The following FLNB variants were observed in gnomAD, a reference collection of about 807,000 sequenced individuals.
FLNB encodes filamin B.
FLNB carries 111 observed loss-of-function variants against 250.6 expected under a neutral mutation model. The ratio of observed to expected loss-of-function variants is 0.44; its 90% CI spans 0.38 to 0.52. The LOEUF (loss-of-function observed/expected upper bound fraction) is 0.52. FLNB is among the 20% of genes least tolerant of loss of function. FLNB has a pLI of 0.00. For synonymous variants in FLNB, 1,302 were observed against 1,372.1 expected (o/e 0.95, Z 1.13); for missense variants, 2,869 against 3,447.8 (o/e 0.83, Z 4.20).
At chr3:58,065,962 A>G (rs907049535) in intron 1 of FLNB, among the ~76,000 whole-genome samples, 1 of 152,132 alleles carries the variant, frequency 6.6e-6, no homozygotes, top group Non-Finnish European at 1.5e-5. Context: ...AGGCCTCCAG[A>G]GCTCATGCTG....
chr3:58,064,851 C>T (rs894091701), intron 1 of FLNB, among the ~76,000 whole-genome samples: 11 of 151,998 alleles, frequency 7.2e-5, no homozygotes, highest in African/African-American at 2.4e-4. Context: ...TGTCTCCCCC[C>T]GCCACACACA....
chr3:58,127,502 G>C (rs753129839), intron 24 of FLNB, among the ~76,000 whole-genome samples: 8 of 152,020 alleles, frequency 5.3e-5, no homozygotes, highest in Non-Finnish European at 1.0e-4. Flanking sequence ...TGTGAAACAC[G>C]GTTTCTCAAC....
chr3:58,141,606 A>G (rs971507637), intron 29 of FLNB, among the ~76,000 whole-genome samples: 4 of 152,282 alleles, frequency 2.6e-5, no homozygotes, highest in South Asian at 2.1e-4. Context: ...TCAATTAACT[A>G]TGGAGTCTCC....
rs528351623 is a variant in FLNB, at chr3:58,070,936, G to GCT, written c.293-6097_293-6096dup. Among the ~76,000 whole-genome samples the GCT allele has an allele frequency of 3.5e-3, 514 of 147,028 alleles. 2 individuals are homozygous for GCT. Among genetic ancestry groups the GCT allele is most frequent in the Non-Finnish European group, 5.5e-3 (369 of 66,744 alleles). On this transcript the variant is annotated intron_variant, in intron 1 of 45. Coordinates refer to ENST00000295956, the MANE Select transcript of FLNB (RefSeq NM_001457.4). ...AAGTGCTAGGATTACAGGCTCTCTT[G>GCT]CTCTCTCTCTCTCTTGTTTTTTTTT...
rs770903136 is a variant in FLNB at position 58,158,002 on chromosome 3, C to T, written c.6889-1552C>T. ...TGTAAATTATTGATCAGAGATTTTG[C>T]GGAGGCCCACGCAAGCAACATCTGG... is the stretch of plus-strand genomic sequence containing the variant. On this transcript the variant is annotated intron_variant, in intron 41 of 45. Transcript: ENST00000295956. 2.7e-5 allele frequency among the ~76,000 whole-genome samples: 4 copies of T among 150,440 alleles called. No homozygotes were observed. The East Asian group carries it at 7.7e-4, about 29-fold the overall frequency.
In FLNB at chr3:58,068,437, GA is replaced by G. The variant is rs1215405822; in HGVS notation, c.293-8605del. Among the ~76,000 whole-genome samples the G allele has an allele frequency of 5.3e-5, 8 of 152,260 alleles. No homozygotes were observed. In the East Asian group the frequency reaches 1.5e-3, roughly 29 times the overall value. On this transcript the variant is annotated intron_variant, in intron 1 of 45. Coordinates refer to ENST00000295956, the MANE Select transcript of FLNB (RefSeq NM_001457.4). ...TGTGGATGGAAGGGATATGGGACTT[GA>G]AAATGGGACACTGGTCCTGGGCAGC...
At chr3:58,109,744 G>C in intron 15 of FLNB, 45 bp downstream of exon 15, 1 of 1,613,414 alleles carries the variant, frequency 6.2e-7, no homozygotes, top group Non-Finnish European at 8.5e-7. Context: ...GCTCCGTGGG[G>C]AAGGCAGTTC....
intron 32 of FLNB, 138 bp from the exon 33 acceptor site, chr3:58,145,783 A>G (rs2097334838): frequency 8.0e-6 from 8 of 998,096 alleles, no homozygotes; most frequent in South Asian, 2.6e-5. Context: ...GTGCATGTGC[A>G]TCTCCTTCTG....
chr3:58,155,909 C>T, intron 40 of FLNB, 51 bp from the exon 41 acceptor site: 1 of 1,269,708 alleles, frequency 7.9e-7, no homozygotes, highest in Non-Finnish European at 1.2e-6. Flanking sequence ...AAGCAAGAGT[C>T]CACTCTGGGT....
In FLNB at chr3:58,039,353, G is replaced by A. The variant is rs368041417; in HGVS notation, c.292+30497G>A. Among the ~76,000 whole-genome samples, 9 of 151,440 alleles carry A rather than the reference G, an allele frequency of 5.9e-5. No individual in the cohort carries two copies. The South Asian group carries it at 1.7e-3, about 28-fold the overall frequency. Reference sequence around the variant, plus strand: ...TGTAGAAAAGTGATTCCAGTCTTGAGCAAATTTTTAATGGAAAACGGTGTC... The same window carrying A: ...TGTAGAAAAGTGATTCCAGTCTTGAACAAATTTTTAATGGAAAACGGTGTC... On this transcript the variant is annotated intron_variant, in intron 1 of 45. Coordinates refer to ENST00000295956, the MANE Select transcript of FLNB (RefSeq NM_001457.4).
rs1432215274 is a variant in FLNB, at chr3:58,169,443, G to T, written c.7418-147G>T. On this transcript the variant is annotated intron_variant, in intron 44 of 45. Transcript: ENST00000295956. The surrounding 1 kb of genome is among the most constrained non-coding windows in gnomAD (Gnocchi z 4.8). Reference sequence around the variant, plus strand: ...ATCCTAGGGGTTTAGAAGACATTATGGGTGTGAGATACAGGTGTGGTGGCT... The same window carrying T: ...ATCCTAGGGGTTTAGAAGACATTATTGGTGTGAGATACAGGTGTGGTGGCT... 13 of 713,384 alleles carry T rather than the reference G, an allele frequency of 1.8e-5. No individual in the cohort carries two copies. The highest frequency in any genetic ancestry group is 7.7e-6 in the Non-Finnish European group (3 of 389,128). The allele number at this position is 713,384 out of a possible 1,614,324, so 44.2% of individuals were successfully genotyped here. A position where few individuals can be genotyped will look rare whatever the true frequency, so the allele number is the denominator to read the frequency against.
chr3:58,020,686 A>G (rs1718460), intron 1 of FLNB, among the ~76,000 whole-genome samples: 115,084 of 149,472 alleles, frequency 0.77, 45,335 homozygotes, highest in East Asian at 0.95. Flanking sequence ...AGCCTTTACC[A>G]TGCCAGACAA....
At chr3:58,024,136 G>C (rs1263553543) in intron 1 of FLNB, among the ~76,000 whole-genome samples, 1 of 152,084 alleles carries the variant, frequency 6.6e-6, no homozygotes, top group African/African-American at 2.4e-5. Flanking sequence ...AAGCCATCCT[G>C]TCTCAGCCAG....
At chr3:58,096,605 C>A (rs974916471) in intron 6 of FLNB, among the ~76,000 whole-genome samples, 2 of 152,096 alleles carry the variant, frequency 1.3e-5, no homozygotes, top group Admixed American at 1.3e-4. Context: ...GCCTCCTGGG[C>A]TCAAGCGATC....
chr3:58,090,386 T>G (rs933463444), intron 4 of FLNB, among the ~76,000 whole-genome samples: 1 of 152,174 alleles, frequency 6.6e-6, no homozygotes, highest in Non-Finnish European at 1.5e-5. Flanking sequence ...AGATGCCCAC[T>G]CTAAAATATA....
chr3:58,067,554 A>T (rs72882441), intron 1 of FLNB, among the ~76,000 whole-genome samples: 3,730 of 151,682 alleles, frequency 0.025, 171 homozygotes, highest in African/African-American at 0.085. Flanking sequence ...ATTATAGTTT[A>T]ACCACTGTAA....
chr3:58,042,922 T>C (rs915631396), intron 1 of FLNB, among the ~76,000 whole-genome samples: 4 of 152,292 alleles, frequency 2.6e-5, no homozygotes, highest in African/African-American at 9.6e-5. Flanking sequence ...AGCAGGGTGC[T>C]GAGAGGGAAT....
Position 58,169,161 on chromosome 3 carries a change from G to T in FLNB, c.7418-429G>T. ...CATAAAGAATGTAGGTTCATCGCAG[G>T]AAAATTAGAAAATTCAGATAGAAAA... On this transcript the variant is annotated intron_variant, in intron 44 of 45. Coordinates refer to ENST00000295956, the MANE Select transcript of FLNB (RefSeq NM_001457.4). This position sits in a 1 kb window ranked among gnomAD's most constrained non-coding sequence, Gnocchi z 4.8. 1 of 267,784 alleles carries T rather than the reference G, an allele frequency of 3.7e-6. No homozygotes were observed. The highest frequency in any genetic ancestry group is 7.2e-6 in the Non-Finnish European group (1 of 138,352). The allele number at this position is 267,784 out of a possible 1,614,324, so 16.6% of individuals were successfully genotyped here. A position where few individuals can be genotyped will look rare whatever the true frequency, so the allele number is the denominator to read the frequency against.
intron 1 of FLNB, among the ~76,000 whole-genome samples, chr3:58,071,158 C>T (rs1287332696): frequency 1.3e-5 from 2 of 151,646 alleles, no homozygotes; most frequent in African/African-American, 4.9e-5. Flanking sequence ...CCCTATGTTG[C>T]CCAGGCTCTG....
Sources: allele counts gnomAD v4.1 joint callset (sites outside exome capture counted in the v4.1 genomes callset), GRCh38; gene constraint gnomAD v4.1.1; non-coding constraint Gnocchi (gnomAD v3.1); transcripts MANE v1.5; gene names NCBI Gene and HGNC (gene_info 2026-07-23, HGNC 2026-07-21).